The following SGCZ variants were observed in gnomAD, a reference collection of about 807,000 sequenced individuals.
SGCZ encodes zeta-sarcoglycan.
In SGCZ, 40 loss-of-function variants were observed where a neutral mutation model predicts 41.3. That is an observed-to-expected ratio of 0.97 (90% confidence interval 0.75 to 1.26). The LOEUF is 1.26. SGCZ is among the 50% of genes most tolerant of loss of function. SGCZ has a pLI of 0.00. For missense variants in SGCZ, 552 were observed against 369.8 expected, an observed-to-expected ratio of 1.49 and a Z score of -4.04; for synonymous variants, 206 against 137.5, an observed-to-expected ratio of 1.50 and a Z score of -3.49.
rs1433632039 is a variant in SGCZ, at chr8:14,489,564, T to A, written c.234+65168A>T. Among the ~76,000 whole-genome samples, 7 of 152,040 alleles carry A rather than the reference T, an allele frequency of 4.6e-5. No homozygotes were observed. In the East Asian group the frequency reaches 1.3e-3, roughly 29 times the overall value. ...AAAAAAGGGAGATGGTCTGGCTTTTTTAACCCACTTTTTAAACGCCCAAAA... is the reference window on the plus strand; with the variant it reads ...AAAAAAGGGAGATGGTCTGGCTTTTATAACCCACTTTTTAAACGCCCAAAA... On this transcript the variant is annotated intron_variant, in intron 2 of 7. Coordinates refer to ENST00000382080, the MANE Select transcript of SGCZ (RefSeq NM_139167.4).
At chr8:14,149,602 C>G (rs1803633846) in intron 5 of SGCZ, among the ~76,000 whole-genome samples, 1 of 149,976 alleles carries the variant, frequency 6.7e-6, no homozygotes, top group Admixed American at 6.7e-5. Flanking sequence ...CCACCCAAAG[C>G]TATCTACAGA....
chr8:15,078,371 A>G (rs191485914), intron 1 of SGCZ, among the ~76,000 whole-genome samples: 126 of 151,660 alleles, frequency 8.3e-4, no homozygotes, highest in African/African-American at 2.9e-3. Context: ...TCTCCATACC[A>G]TACTCAGTAA....
intron 4 of SGCZ, among the ~76,000 whole-genome samples, chr8:14,214,387 C>T (rs963776485): frequency 6.6e-6 from 1 of 152,072 alleles, no homozygotes; most frequent in East Asian, 1.9e-4. Flanking sequence ...AAAAAGAACA[C>T]TAACGTAAAA....
intron 1 of SGCZ, among the ~76,000 whole-genome samples, chr8:14,574,469 G>C (rs1804649726): frequency 6.6e-6 from 1 of 152,150 alleles, no homozygotes. Context: ...TCATTCCAGA[G>C]GGATCCTGCC....
At chr8:14,790,380 T>C (rs929182590) in intron 1 of SGCZ, among the ~76,000 whole-genome samples, 2 of 152,196 alleles carry the variant, frequency 1.3e-5, no homozygotes, top group African/African-American at 2.4e-5. Flanking sequence ...TGTGATGAAA[T>C]AGCATTCTCA....
intron 4 of SGCZ, among the ~76,000 whole-genome samples, chr8:14,166,526 G>A (rs974974011): frequency 6.6e-6 from 1 of 152,014 alleles, no homozygotes; most frequent in Non-Finnish European, 1.5e-5. Flanking sequence ...CTGCCTGAAA[G>A]GTATTATAGA....
At chr8:14,498,641 G>C (rs891494573) in intron 2 of SGCZ, among the ~76,000 whole-genome samples, 2 of 151,624 alleles carry the variant, frequency 1.3e-5, no homozygotes, top group African/African-American at 4.8e-5. Context: ...CTACATTCAT[G>C]AGCTATTATT....
intron 1 of SGCZ, among the ~76,000 whole-genome samples, chr8:14,787,018 T>G (rs1800789639): frequency 6.6e-6 from 1 of 152,010 alleles, no homozygotes; most frequent in South Asian, 2.1e-4. Flanking sequence ...TCCTACAAGC[T>G]CACTGTGAAT....
At chr8:14,778,023 A>C (rs1256534018) in intron 1 of SGCZ, among the ~76,000 whole-genome samples, 3 of 152,056 alleles carry the variant, frequency 2.0e-5, no homozygotes, top group Non-Finnish European at 4.4e-5. Context: ...TCCCAGACTT[A>C]AGCGATCCTC....
intron 1 of SGCZ, among the ~76,000 whole-genome samples, chr8:14,869,353 A>G (rs1804058051): frequency 6.6e-6 from 1 of 152,202 alleles, no homozygotes. Context: ...GATTATCTCA[A>G]TAGATGCAGA....
At chr8:14,816,791 T>A (rs1349893020) in intron 1 of SGCZ, among the ~76,000 whole-genome samples, 3 of 152,222 alleles carry the variant, frequency 2.0e-5, no homozygotes, top group Non-Finnish European at 2.9e-5. Flanking sequence ...TGAACTAACT[T>A]AATTAAATTG....
chr8:14,896,003 C>A (rs2130750858), intron 1 of SGCZ, among the ~76,000 whole-genome samples: 1 of 152,282 alleles, frequency 6.6e-6, no homozygotes, highest in East Asian at 1.9e-4. Context: ...TAAGGCAAAC[C>A]ATTCCCTCAG....
At chr8:14,459,985 G>A (rs542748043) in intron 2 of SGCZ, among the ~76,000 whole-genome samples, 1 of 152,030 alleles carries the variant, frequency 6.6e-6, no homozygotes, top group African/African-American at 2.4e-5. Context: ...CAGAACATGG[G>A]GTATGGATTT....
At position 14,332,805 on chromosome 8, in the gene SGCZ, G is replaced by A. The variant is rs988463899; in HGVS notation, c.235-8601C>T. On this transcript the variant is annotated intron_variant, in intron 2 of 7. Transcript: ENST00000382080. ...TGGTTTGCAATAGAGTATAGAGTAT[G>A]TAGATATATAGAATATACTTATATG... 32 of 151,032 alleles carry A rather than the reference G, an allele frequency of 2.1e-4. 1 individual carries two copies. The highest frequency in any genetic ancestry group is 1.7e-3 in the Admixed American group (26 of 15,114). 9.4% of individuals were successfully genotyped at this position (151,032 alleles called of 1,614,324 possible).
chr8:14,552,321 T>C (rs988652272), intron 2 of SGCZ, among the ~76,000 whole-genome samples: 22 of 152,082 alleles, frequency 1.4e-4, no homozygotes, highest in Admixed American at 1.4e-3. Flanking sequence ...TGAACAACTA[T>C]AAGTGACTAC....
At chr8:14,218,371 A>G (rs1354011203) in intron 4 of SGCZ, among the ~76,000 whole-genome samples, 2 of 152,220 alleles carry the variant, frequency 1.3e-5, no homozygotes, top group Admixed American at 1.3e-4. Flanking sequence ...AAATTAATGA[A>G]AGATGTTCAT....
intron 5 of SGCZ, among the ~76,000 whole-genome samples, chr8:14,120,238 A>G (rs1802656984): frequency 6.6e-6 from 1 of 152,200 alleles, no homozygotes; most frequent in African/African-American, 2.4e-5. Context: ...AAAATTCACC[A>G]TAGTAATTGA....
At chr8:14,783,445 A>C (rs974508188) in intron 1 of SGCZ, among the ~76,000 whole-genome samples, 1 of 151,970 alleles carries the variant, frequency 6.6e-6, no homozygotes, top group Admixed American at 6.6e-5. Flanking sequence ...AAAAAAAAAA[A>C]GAAGGAAAGA....
chr8:15,195,326 A>G (rs1007563445), intron 1 of SGCZ, among the ~76,000 whole-genome samples: 2 of 152,094 alleles, frequency 1.3e-5, no homozygotes, highest in Non-Finnish European at 2.9e-5. Flanking sequence ...GGGATTACTC[A>G]TGTGGAATGA....
Sources: gnomAD v4.1 joint callset for allele counts (sites outside exome capture counted in the v4.1 genomes callset) on GRCh38, gnomAD v4.1.1 for gene constraint, MANE v1.5 for transcripts, NCBI Gene and HGNC (gene_info 2026-07-23, HGNC 2026-07-21) for gene names.